The following GSE1 variants were observed in gnomAD, a reference collection of about 807,000 sequenced individuals.
The protein encoded by GSE1 is genetic suppressor element 1.
GSE1 carries 32 observed loss-of-function variants against 112.6 expected under a neutral mutation model. The ratio of observed to expected loss-of-function variants is 0.28; its 90% CI spans 0.21 to 0.38. The LOEUF is 0.38. Ranked by LOEUF, GSE1 falls within the 10% of genes least tolerant of loss-of-function variation. The pLI is 1.00. For synonymous variants in GSE1, 1,115 were observed against 735.6 expected (o/e 1.52, Z -8.35); for missense variants, 2,348 against 1,699.2 (o/e 1.38, Z -6.71).
intron 1 of GSE1, among the ~76,000 whole-genome samples, chr16:85,245,008 A>T (rs113361484): frequency 0.014 from 1,539 of 110,232 alleles, 21 homozygotes; most frequent in African/African-American, 0.04. Flanking sequence ...AAAAAAAAAA[A>T]TTTTTTTTCC....
chr16:85,462,078 A>G (rs942740340), intron 2 of GSE1, among the ~76,000 whole-genome samples: 1 of 152,160 alleles, frequency 6.6e-6, no homozygotes, highest in African/African-American at 2.4e-5. Flanking sequence ...ACACCTCCCC[A>G]CAGGGGCAGG....
chr16:85,619,286 T>G (rs1372977039), intron 1 of GSE1, among the ~76,000 whole-genome samples: 7 of 152,354 alleles, frequency 4.6e-5, no homozygotes, highest in African/African-American at 1.7e-4. Context: ...ATGGTGGGTC[T>G]GTGGCCACAG....
rs746329890 is a variant in GSE1 at position 85,654,241 on chromosome 16, C to A, written c.427-37C>A. 11 of 1,557,130 alleles carry A rather than the reference C, an allele frequency of 7.1e-6. No homozygotes were observed. In the African/African-American group the frequency reaches 1.5e-4, roughly 21 times the overall value. On this transcript the variant is annotated intron_variant, in intron 3 of 15. Coordinates refer to ENST00000253458, the MANE Select transcript of GSE1 (RefSeq NM_014615.5). ...GTGTCCTGTGGTCAGTGGCCTATAC[C>A]AGGCTCCTGCCCTGACTGGACGCTC...
intron 2 of GSE1, among the ~76,000 whole-genome samples, chr16:85,411,117 C>T (rs1268071266): frequency 7.5e-5 from 9 of 119,962 alleles, no homozygotes; most frequent in East Asian, 2.3e-4. Flanking sequence ...TCAGGCCCCC[C>T]GGATAATCCT....
intron 2 of GSE1, among the ~76,000 whole-genome samples, chr16:85,509,134 C>T (rs1015255531): frequency 3.9e-5 from 6 of 152,174 alleles, no homozygotes; most frequent in Admixed American, 6.5e-5. Context: ...GCTGGAAGGC[C>T]GGGCAGAGCG....
At chr16:85,337,307 C>CTT (rs750709031) in intron 1 of GSE1, among the ~76,000 whole-genome samples, 67 of 133,506 alleles carry the variant, frequency 5.0e-4, no homozygotes, top group Middle Eastern at 4.0e-3. Context: ...CTTTTCTTTT[C>CTT]TTTTTTTTTT....
intron 1 of GSE1, among the ~76,000 whole-genome samples, chr16:85,215,127 T>C (rs1164187090): frequency 2.0e-5 from 3 of 152,186 alleles, no homozygotes; most frequent in African/African-American, 7.2e-5. Flanking sequence ...AGAAGTTAAG[T>C]GGTTAAAGAG....
chr16:85,466,684 AAAG>A (rs1567509975), intron 2 of GSE1, among the ~76,000 whole-genome samples: 2 of 147,870 alleles, frequency 1.4e-5, no homozygotes, highest in Non-Finnish European at 3.0e-5. Flanking sequence ...TTAAAAAAAA[AAAG>A]AAATATATAT....
In GSE1 at chr16:85,663,437, C is replaced by T; in HGVS notation, c.2467C>T (p.Arg823Ter). 1 of 1,613,836 alleles carries T rather than the reference C, an allele frequency of 6.2e-7. No individual in the cohort carries two copies. The highest frequency in any genetic ancestry group is 8.5e-7 in the Non-Finnish European group (1 of 1,180,016). Residue 823 changes from arginine (R) to a stop codon, truncating the protein, a stop_gained, in exon 11 of 16, where the codon CGA (arginine) becomes TGA (stop). Coordinates refer to ENST00000253458, the MANE Select transcript of GSE1 (RefSeq NM_014615.5). LOFTEE classifies it high-confidence loss of function. ...GCGGAGGAAGCGGCGGAGGATGCTGCGAGAGAGAAGCCCGTCGCCCCCAAC... is the reference window on the plus strand; with the variant it reads ...GCGGAGGAAGCGGCGGAGGATGCTGTGAGAGAGAAGCCCGTCGCCCCCAAC... ...QKRRKRRRML[R>*]ERSPSPPTIQ... is the part of the protein sequence containing the mutation.
intron 2 of GSE1, among the ~76,000 whole-genome samples, chr16:85,507,102 G>A (rs778485075): frequency 2.0e-5 from 3 of 152,202 alleles, no homozygotes; most frequent in African/African-American, 4.8e-5. Flanking sequence ...TGGCGTGGCT[G>A]TGTGGCTGAG....
At chr16:85,445,725 C>G (rs1393389713) in intron 2 of GSE1, among the ~76,000 whole-genome samples, 1 of 152,238 alleles carries the variant, frequency 6.6e-6, no homozygotes, top group Admixed American at 6.5e-5. Flanking sequence ...GCAGCCCTCT[C>G]CTGGCTCGAG....
intron 1 of GSE1, among the ~76,000 whole-genome samples, chr16:85,616,557 C>T (rs940237633): frequency 2.6e-5 from 4 of 152,232 alleles, no homozygotes; most frequent in African/African-American, 9.6e-5. Context: ...ACAGCAGGGT[C>T]CTCTGAAACC....
intron 1 of GSE1, among the ~76,000 whole-genome samples, chr16:85,572,106 A>G (rs1030261431): frequency 2.0e-5 from 3 of 148,298 alleles, no homozygotes; most frequent in Admixed American, 6.7e-5. Context: ...CCACACACAC[A>G]CCACACACAA....
At chr16:85,566,052 T>G (rs1388381925) in intron 1 of GSE1, among the ~76,000 whole-genome samples, 1 of 152,114 alleles carries the variant, frequency 6.6e-6, no homozygotes, top group East Asian at 1.9e-4. Flanking sequence ...ATGGGGCCAG[T>G]AGCGGAGCCT....
chr16:85,333,639 C>T lies in GSE1; in HGVS notation c.2284-23824C>T, dbSNP rs184696398. Among the ~76,000 whole-genome samples the T allele has an allele frequency of 2.6e-5, 4 of 152,362 alleles. No homozygotes were observed. The East Asian group carries it at 7.7e-4, about 29-fold the overall frequency. ...AATGGGGACAATAACATACCAGCCT[C>T]CTGGGAACTGGCTGGGTTACAGGAG... On this transcript the variant is annotated intron_variant, in intron 1 of 2. Coordinates refer to the GSE1 transcript ENST00000637419.
At chr16:85,478,847 CTTTCTTTCTTTCTTTCTT>C (rs2050549865) in intron 2 of GSE1, among the ~76,000 whole-genome samples, 1 of 5,876 alleles carries the variant, frequency 1.7e-4, no homozygotes, top group African/African-American at 5.9e-4. Flanking sequence ...TATTTTCTTT[CTTTCTTTCTTTCTTTCTT>C]TCTTTCTTTC....
intron 1 of GSE1, among the ~76,000 whole-genome samples, chr16:85,303,825 G>A (rs969030639): frequency 6.6e-6 from 1 of 152,242 alleles, no homozygotes; most frequent in Non-Finnish European, 1.5e-5. Context: ...CTGGCCTGGC[G>A]GGGTTGCGAG....
At chr16:85,646,282 G>A (rs72801193) in intron 2 of GSE1, among the ~76,000 whole-genome samples, 7,406 of 152,336 alleles carry the variant, frequency 0.049, 255 homozygotes, top group Non-Finnish European at 0.078. Flanking sequence ...CATGCCCCGG[G>A]CTGTAGGTGC....
intron 1 of GSE1, among the ~76,000 whole-genome samples, chr16:85,564,505 G>A (rs1225702782): frequency 6.6e-6 from 1 of 152,176 alleles, no homozygotes; most frequent in Non-Finnish European, 1.5e-5. Flanking sequence ...AGATGGGGGT[G>A]AAGGCTGTGT....
Sources: allele counts gnomAD v4.1 joint callset (sites outside exome capture counted in the v4.1 genomes callset), GRCh38; gene constraint gnomAD v4.1.1; transcripts MANE v1.5; gene names NCBI Gene and HGNC (gene_info 2026-07-23, HGNC 2026-07-21).